LMNB2: variants seen among roughly 807,000 people sequenced by gnomAD.
LMNB2 encodes the protein lamin-B2.
Under a neutral mutation model 69.3 loss-of-function variants are expected in LMNB2, and 17 were observed. The observed-to-expected ratio is 0.25, with a 90% CI of 0.17 to 0.37. The LOEUF (loss-of-function observed/expected upper bound fraction) is 0.37. Ranked by LOEUF, LMNB2 falls within the 10% of genes least tolerant of loss-of-function variation. LMNB2 has a pLI of 1.00. For missense variants in LMNB2, 789 were observed against 883.6 expected (o/e 0.89, Z 1.36); for synonymous variants, 397 against 389.3 (o/e 1.02, Z -0.23).
intron 2 of LMNB2, among the ~76,000 whole-genome samples, chr19:2,440,776 A>T (rs1240483874): frequency 6.7e-6 from 1 of 149,470 alleles, no homozygotes; most frequent in Non-Finnish European, 1.5e-5. Flanking sequence ...TCTATCCATT[A>T]TCTATCCATC....
chr19:2,448,127 G>A (rs535691359), intron 1 of LMNB2, among the ~76,000 whole-genome samples: 50 of 152,292 alleles, frequency 3.3e-4, no homozygotes, highest in African/African-American at 1.2e-3. Context: ...CTCCCATGCA[G>A]GCGATCATCT....
At chr19:2,456,621 G>A in intron 1 of LMNB2, 49 bp downstream of exon 1, 2 of 1,411,862 alleles carry the variant, frequency 1.4e-6, no homozygotes, top group Non-Finnish European at 9.3e-7. Context: ...CGCGGTGGGC[G>A]GGGCCTGCCG....
rs147159879 is a variant in LMNB2, at chr19:2,448,180, GA to G, written c.265-3641del. On this transcript the variant is annotated intron_variant, in intron 1 of 11. Transcript: ENST00000325327. ...TCTGTGTCCTGGGAACAGACTTCTA[GA>G]AAAACCCAAATCAGGAAAAAGCGGC... Among the ~76,000 whole-genome samples the G allele has an allele frequency of 7.9e-3, 1,202 of 152,204 alleles. 13 individuals are homozygous for G. The highest frequency in any genetic ancestry group is 0.012 in the Non-Finnish European group (786 of 67,990).
chr19:2,438,305 A>C lies in LMNB2; in HGVS notation c.559-17T>G, dbSNP rs1192091719. 6.2e-7 allele frequency: 1 copy of C among 1,613,892 alleles called. No homozygotes were observed. Among genetic ancestry groups the C allele is most frequent in the African/African-American group, 1.3e-5 (1 of 75,062 alleles). On this transcript the variant is annotated splice_polypyrimidine_tract_variant and intron_variant, in intron 3 of 11. Transcript: ENST00000325327. ...GTCCTCGGCCTGGGAGACACAGGAC[A>C]GCGAGCTGGTGTGACAATCTGTCTG...
At position 2,448,543 on chromosome 19, in the gene LMNB2, C is replaced by T. The variant is rs778818875; in HGVS notation, c.265-4003G>A. Among the ~76,000 whole-genome samples, 17 of 152,310 alleles carry T rather than the reference C, an allele frequency of 1.1e-4. No homozygotes were observed. The South Asian group carries it at 1.4e-3, about 13-fold the overall frequency. On this transcript the variant is annotated intron_variant, in intron 1 of 11. Coordinates refer to ENST00000325327, the MANE Select transcript of LMNB2 (RefSeq NM_032737.4). ...GAGCACCCCCAGACCATGTGCACGG[C>T]GGTCCTGTAAGACTCTAATGCAAAC...
Position 2,438,417 on chromosome 19 carries a change from G to C in LMNB2, c.516C>G (p.Gly172=), listed in dbSNP as rs775239842. The C allele has an allele frequency of 5.6e-6, 9 of 1,612,786 alleles. No individual in the cohort carries two copies. Among genetic ancestry groups the C allele is most frequent in the Middle Eastern group, 1.7e-4 (1 of 5,984 alleles). The change falls in exon 3 of 12, where the codon GGC becomes GGG. Residue 172 remains glycine (G), a synonymous_variant. Coordinates refer to ENST00000325327, the MANE Select transcript of LMNB2 (RefSeq NM_032737.4). Reference sequence around the variant, plus strand: ...GCAGCTCAGCCACGTCACTCTCCAGGCCGCGCTTGTCGCTGAGGGCAGCTG... The same window carrying C: ...GCAGCTCAGCCACGTCACTCTCCAGCCCGCGCTTGTCGCTGAGGGCAGCTG... ...ELAAALSDKR[G]LESDVAELRA...
intron 2 of LMNB2, among the ~76,000 whole-genome samples, chr19:2,440,017 C>G (rs1416854241): frequency 1.3e-5 from 2 of 151,962 alleles, no homozygotes; most frequent in African/African-American, 4.8e-5. Flanking sequence ...CAGGCGTGAA[C>G]CACTGCGCCT....
intron 9 of LMNB2, 138 bp from the exon 10 acceptor site, chr19:2,432,040 G>T: frequency 1.8e-6 from 2 of 1,138,812 alleles, no homozygotes; most frequent in Non-Finnish European, 2.5e-6. Context: ...GCTTATCCAG[G>T]GTGATGGTCC....
At position 2,431,633 on chromosome 19, in the gene LMNB2, T is replaced by G; in HGVS notation, c.1736A>C (p.Lys579Thr). 1.9e-6 allele frequency: 3 copies of G among 1,614,140 alleles called. No individual in the cohort carries two copies. Among genetic ancestry groups the G allele is most frequent in the Non-Finnish European group, 2.5e-6 (3 of 1,180,006 alleles). ...CTCATTCTCACGCATCACCGAGGAC[T>G]TCTTCACAGTCCTCATGGCCACTTC... ...GEEVAMRTVK[K>T]SSVMRENENG... The change falls in exon 11 of 12, where the codon AAG becomes ACG. Residue 579 changes from lysine to threonine, a missense_variant. Transcript: ENST00000325327.
intron 8 of LMNB2, among the ~76,000 whole-genome samples, chr19:2,432,954 C>T (rs1297564754): frequency 1.1e-5 from 1 of 90,446 alleles, no homozygotes. Context: ...TGGGTCACCC[C>T]GTTACCCCCA....
At chr19:2,451,110 G>A (rs1430890776) in intron 1 of LMNB2, among the ~76,000 whole-genome samples, 2 of 152,120 alleles carry the variant, frequency 1.3e-5, no homozygotes, top group Non-Finnish European at 2.9e-5. Flanking sequence ...GCGTGGCAGT[G>A]CAAACCTGTG....
intron 1 of LMNB2, among the ~76,000 whole-genome samples, chr19:2,445,040 C>G (rs561162151): frequency 2.0e-5 from 3 of 152,302 alleles, no homozygotes; most frequent in African/African-American, 7.2e-5. Context: ...AACCAGAAAA[C>G]TGGTGGGATG....
intron 1 of LMNB2, among the ~76,000 whole-genome samples, chr19:2,454,076 T>C (rs1972061039): frequency 1.3e-5 from 2 of 152,118 alleles, no homozygotes; most frequent in South Asian, 4.1e-4. Context: ...GCAGATCACC[T>C]GAGGCCAGGA....
At chr19:2,441,716 A>G (rs1207643528) in intron 2 of LMNB2, among the ~76,000 whole-genome samples, 1 of 152,230 alleles carries the variant, frequency 6.6e-6, no homozygotes, top group Non-Finnish European at 1.5e-5. Flanking sequence ...GCTGCCTACC[A>G]GACAGGAGGT....
chr19:2,439,175 C>T (rs1466811403), intron 2 of LMNB2, among the ~76,000 whole-genome samples: 2 of 151,314 alleles, frequency 1.3e-5, no homozygotes, highest in African/African-American at 2.4e-5. Context: ...CGAGCCACCG[C>T]GTACGGCTGA....
intron 2 of LMNB2, among the ~76,000 whole-genome samples, chr19:2,441,902 G>A (rs1018786057): frequency 3.3e-5 from 5 of 152,220 alleles, no homozygotes; most frequent in African/African-American, 9.6e-5. Context: ...CAGCTCAGAG[G>A]ACTGGAGCGG....
At chr19:2,454,590 C>T (rs1972068003) in intron 1 of LMNB2, among the ~76,000 whole-genome samples, 2 of 152,236 alleles carry the variant, frequency 1.3e-5, no homozygotes, top group South Asian at 4.1e-4. Context: ...AATGACCCGA[C>T]CCCCTCAACA....
At chr19:2,434,961 T>TGCCCCCC in intron 5 of LMNB2, 40 bp downstream of exon 5, 1 of 1,583,000 alleles carries the variant, frequency 6.3e-7, no homozygotes, top group Non-Finnish European at 8.6e-7. Context: ...GGGGCGGGGT[T>TGCCCCCC]CCCACCGGCC....
At chr19:2,442,901 C>A (rs1971914264) in intron 2 of LMNB2, among the ~76,000 whole-genome samples, 2 of 152,200 alleles carry the variant, frequency 1.3e-5, no homozygotes, top group South Asian at 4.1e-4. Flanking sequence ...ATTTCAACAT[C>A]TTAAAGTGAA....
Sources: allele counts gnomAD v4.1 joint callset (sites outside exome capture counted in the v4.1 genomes callset), GRCh38; gene constraint gnomAD v4.1.1; transcripts MANE v1.5; gene names NCBI Gene and HGNC (gene_info 2026-07-23, HGNC 2026-07-21).